The following ELAVL2 variants were observed in gnomAD, a reference collection of about 807,000 sequenced individuals.
ELAVL2 encodes ELAV like RNA binding protein 2.
Under a neutral mutation model 34.6 loss-of-function variants are expected in ELAVL2, and 4 were observed. The ratio of observed to expected loss-of-function variants is 0.12; its 90% CI spans 0.06 to 0.26. The LOEUF (loss-of-function observed/expected upper bound fraction) is 0.26. ELAVL2 is among the 10% of genes least tolerant of loss of function. ELAVL2 has a pLI of 1.00. For missense variants in ELAVL2, 432 were observed against 442.8 expected (o/e 0.98, Z 0.22); for synonymous variants, 193 against 154.8 (o/e 1.25, Z -1.83).
intron 1 of ELAVL2, among the ~76,000 whole-genome samples, chr9:23,814,110 T>C (rs2063389983): frequency 6.6e-6 from 1 of 152,062 alleles, no homozygotes; most frequent in Non-Finnish European, 1.5e-5. Context: ...TCACAACTAT[T>C]TAAAACACAG....
At chr9:23,717,434 G>C (rs564875004) in intron 3 of ELAVL2, among the ~76,000 whole-genome samples, 3 of 152,260 alleles carry the variant, frequency 2.0e-5, no homozygotes, top group African/African-American at 7.2e-5. Flanking sequence ...TACAGGGCTA[G>C]GTTTAATCAA....
At chr9:23,782,570 C>CA (rs957429550) in intron 1 of ELAVL2, among the ~76,000 whole-genome samples, 1 of 151,634 alleles carries the variant, frequency 6.6e-6, no homozygotes, top group African/African-American at 2.4e-5. Flanking sequence ...AGACTGTCTC[C>CA]AAAAAACAAA....
chr9:23,765,044 T>G (rs745311869), intron 1 of ELAVL2: 2 of 1,609,748 alleles, frequency 1.2e-6, no homozygotes, highest in Non-Finnish European at 1.7e-6. Flanking sequence ...GAACCACTTC[T>G]AAGCAGAGAA....
chr9:23,845,475 T>TA, the ELAVL2 span, among the ~76,000 whole-genome samples: 2 of 151,704 alleles, frequency 1.3e-5, no homozygotes, highest in African/African-American at 4.8e-5. Flanking sequence ...TTGAGAGGGG[T>TA]AAAAATTCAG....
intron 2 of ELAVL2, among the ~76,000 whole-genome samples, chr9:23,759,729 A>G (rs959669735): frequency 7.3e-6 from 1 of 137,170 alleles, no homozygotes; most frequent in South Asian, 2.3e-4. Context: ...CACGTAATAT[A>G]TATGTGTATA....
chr9:23,782,004 G>T (rs2136853145), intron 1 of ELAVL2, among the ~76,000 whole-genome samples: 1 of 152,030 alleles, frequency 6.6e-6, no homozygotes, highest in South Asian at 2.1e-4. Flanking sequence ...AATCTTTTGT[G>T]GAGACGAGGT....
chr9:23,736,421 T>C (rs1368870983), intron 2 of ELAVL2, among the ~76,000 whole-genome samples: 2 of 152,132 alleles, frequency 1.3e-5, no homozygotes, highest in Non-Finnish European at 2.9e-5. Context: ...CAGGAACACA[T>C]TCTACAGGGT....
chr9:23,731,836 A>C (rs954024323), intron 2 of ELAVL2, among the ~76,000 whole-genome samples: 1 of 152,134 alleles, frequency 6.6e-6, no homozygotes, highest in African/African-American at 2.4e-5. Context: ...GGAGAAAAAA[A>C]GTCTAGAGTA....
chr9:23,698,998 C>G (rs1473969481), intron 5 of ELAVL2, among the ~76,000 whole-genome samples: 1 of 152,154 alleles, frequency 6.6e-6, no homozygotes, highest in African/African-American at 2.4e-5. Flanking sequence ...CAATTTCTCC[C>G]ATTTTCTGAA....
intron 1 of ELAVL2, among the ~76,000 whole-genome samples, chr9:23,823,405 A>G (rs769013275): frequency 6.6e-6 from 1 of 152,156 alleles, no homozygotes; most frequent in Non-Finnish European, 1.5e-5. Context: ...CTCTCAGAAG[A>G]GTTCCCCAAG....
At chr9:23,801,113 C>T (rs967926358) in intron 1 of ELAVL2, among the ~76,000 whole-genome samples, 3 of 152,186 alleles carry the variant, frequency 2.0e-5, no homozygotes, top group Non-Finnish European at 4.4e-5. Flanking sequence ...CTAACAGACA[C>T]AGAAGCCCTC....
In ELAVL2 at chr9:23,812,673, A is replaced by AT. The variant is rs2063166245; in HGVS notation, c.-16+13132dup. Among the ~76,000 whole-genome samples, 4 of 151,956 alleles carry AT rather than the reference A, an allele frequency of 2.6e-5. No individual in the cohort carries two copies. In the South Asian group the frequency reaches 6.2e-4, roughly 24 times the overall value. On this transcript the variant is annotated intron_variant, in intron 1 of 6. Transcript: ENST00000397312. ...ATAAGTTCCAAATGTACCTACAATG[A>AT]TTTTTTAAAATCATACACAGTTAAT...
At chr9:23,804,231 T>C (rs1649959555) in intron 1 of ELAVL2, among the ~76,000 whole-genome samples, 1 of 151,650 alleles carries the variant, frequency 6.6e-6, no homozygotes, top group Admixed American at 6.6e-5. Context: ...AGGAGTGCAA[T>C]GGCATGATCT....
intron 5 of ELAVL2, among the ~76,000 whole-genome samples, chr9:23,694,569 T>G (rs1196019807): frequency 2.0e-5 from 3 of 152,202 alleles, no homozygotes; most frequent in African/African-American, 7.2e-5. Context: ...AATTTTTTCT[T>G]TAACACCCGT....
At chr9:23,795,327 T>C (rs968973150) in intron 1 of ELAVL2, among the ~76,000 whole-genome samples, 1 of 152,118 alleles carries the variant, frequency 6.6e-6, no homozygotes, top group African/African-American at 2.4e-5. Context: ...GTGGGTCACC[T>C]GAGGTCAGGA....
intron 2 of ELAVL2, among the ~76,000 whole-genome samples, chr9:23,747,161 C>CTT (rs112771338): frequency 0.12 from 18,648 of 149,788 alleles, 1,297 homozygotes; most frequent in Middle Eastern, 0.23. Flanking sequence ...ATATACACTA[C>CTT]TTTTTTTTTT....
the ELAVL2 span, among the ~76,000 whole-genome samples, chr9:23,850,375 A>G: frequency 6.6e-6 from 1 of 152,020 alleles, no homozygotes; most frequent in Non-Finnish European, 1.5e-5. Flanking sequence ...TTCCTTCAGG[A>G]AAACACTTCC....
At chr9:23,703,613 TA>T (rs1289828896) in intron 4 of ELAVL2, among the ~76,000 whole-genome samples, 9 of 152,208 alleles carry the variant, frequency 5.9e-5, no homozygotes, top group Admixed American at 3.9e-4. Context: ...CTCCTCTGAT[TA>T]GATTCAGATC....
chr9:23,784,176 G>A (rs1199743630), intron 1 of ELAVL2, among the ~76,000 whole-genome samples: 1 of 151,440 alleles, frequency 6.6e-6, no homozygotes, highest in Non-Finnish European at 1.5e-5. Flanking sequence ...CCAGCCTGGG[G>A]CCACAGAGCA....
Sources: allele counts gnomAD v4.1 joint callset (sites outside exome capture counted in the v4.1 genomes callset), GRCh38; gene constraint gnomAD v4.1.1; transcripts MANE v1.5; gene names NCBI Gene and HGNC (gene_info 2026-07-23, HGNC 2026-07-21).